The following LIPE variants were observed in gnomAD, a reference collection of about 807,000 sequenced individuals.
The protein encoded by LIPE is lipase E, hormone sensitive type.
Under a neutral mutation model 88.5 loss-of-function variants are expected in LIPE, and 66 were observed. The ratio of observed to expected loss-of-function variants is 0.75; its 90% confidence interval spans 0.61 to 0.91. LIPE has a LOEUF of 0.91. LIPE is among the 40% of genes least tolerant of loss of function. LIPE has a pLI of 0.00. For synonymous variants in LIPE, 570 were observed against 617.5 expected, an observed-to-expected ratio of 0.92 and a Z score of 1.14; for missense variants, 1,346 against 1,434.7, an observed-to-expected ratio of 0.94 and a Z score of 1.00.
At chr19:42,405,986 A>G in intron 7 of LIPE, 175 bp downstream of exon 7, 1 of 564,382 alleles carries the variant, frequency 1.8e-6, no homozygotes, top group Non-Finnish European at 3.1e-6. Context: ...TCACACACAC[A>G]CACACACACA....
chr19:42,404,237 AT>A (rs752058205), intron 8 of LIPE, among the ~76,000 whole-genome samples: 403 of 98,220 alleles, frequency 4.1e-3, no homozygotes, highest in Middle Eastern at 0.019. Flanking sequence ...TACTTTTTGT[AT>A]TTTTTTTTTT....
At chr19:42,422,365 C>A (rs1045256588) in intron 1 of LIPE, among the ~76,000 whole-genome samples, 2 of 152,226 alleles carry the variant, frequency 1.3e-5, no homozygotes, top group Admixed American at 1.3e-4. Context: ...GCCCACGTTT[C>A]TTAACTACAG....
chr19:42,411,606 AAG>A (rs2040376997), intron 1 of LIPE, among the ~76,000 whole-genome samples: 1 of 152,122 alleles, frequency 6.6e-6, no homozygotes, highest in Non-Finnish European at 1.5e-5. Flanking sequence ...GACTTCACTG[AAG>A]AGTCATTCCT....
Position 42,407,505 on chromosome 19 carries a change from G to A in LIPE, c.1843-37C>T. 6.3e-7 allele frequency: 1 copy of A among 1,593,574 alleles called. No individual in the cohort carries two copies. The highest frequency in any genetic ancestry group is 2.2e-5 in the East Asian group (1 of 44,628). ...GAGGGAGACGGTGTGTGAGGTTGGG[G>A]AGAGCTGGCCAGGGCTGCACCCCTC... On this transcript the variant is annotated intron_variant, in intron 5 of 9. Transcript: ENST00000244289. The surrounding 1 kb of genome is among the most constrained non-coding windows in gnomAD (Gnocchi z 5.8).
intron 1 of LIPE, chr19:42,423,389 C>G (rs1378536933): frequency 7.8e-7 from 1 of 1,287,612 alleles, no homozygotes; most frequent in African/African-American, 1.5e-5. Context: ...GAGGTTCCTT[C>G]CGGGCTGCTG....
chr19:42,405,632 G>A, intron 7 of LIPE, 71 bp from the exon 8 acceptor site: 1 of 1,453,982 alleles, frequency 6.9e-7, no homozygotes, highest in Non-Finnish European at 9.4e-7. Context: ...CAGAACTTCA[G>A]GCATCTGTGG....
chr19:42,412,551 C>T, intron 1 of LIPE: 1 of 986,478 alleles, frequency 1.0e-6, no homozygotes, highest in South Asian at 4.7e-5. Context: ...GGGCTCAGCT[C>T]CCTGCTCTGC....
At chr19:42,405,702 G>T in intron 7 of LIPE, 141 bp from the exon 8 acceptor site, 1 of 784,398 alleles carries the variant, frequency 1.3e-6, no homozygotes, top group Non-Finnish European at 2.0e-6. Context: ...GGGCGCAGTG[G>T]CTCACGCCTG....
chr19:42,420,694 C>A (rs143019042), intron 1 of LIPE, among the ~76,000 whole-genome samples: 61 of 152,188 alleles, frequency 4.0e-4, no homozygotes, highest in African/African-American at 1.4e-3. Context: ...CTGGTCCAGG[C>A]GGTAGCATCA....
intron 1 of LIPE, among the ~76,000 whole-genome samples, chr19:42,422,813 G>A (rs1252430919): frequency 6.6e-6 from 1 of 152,168 alleles, no homozygotes; most frequent in Non-Finnish European, 1.5e-5. Context: ...CGTTGTCCTG[G>A]AAAGGGTAGG....
chr19:42,422,103 T>C (rs1396198368), intron 1 of LIPE, among the ~76,000 whole-genome samples: 2 of 152,202 alleles, frequency 1.3e-5, no homozygotes, highest in Admixed American at 6.5e-5. Flanking sequence ...AAATACAGGG[T>C]AAACAAGGCA....
rs1470217243 is a variant in LIPE, at chr19:42,421,894, G to A, written c.883+4373C>T. On this transcript the variant is annotated intron_variant, in intron 1 of 9. Coordinates refer to ENST00000244289, the MANE Select transcript of LIPE (RefSeq NM_005357.4). Reference sequence around the variant, plus strand: ...AGGGCGGGGCTTCAGGAAATGACAGGCAAATCTTGGAGTTTGCAGGAATGA... The same window carrying A: ...AGGGCGGGGCTTCAGGAAATGACAGACAAATCTTGGAGTTTGCAGGAATGA... Among the ~76,000 whole-genome samples the A allele has an allele frequency of 3.3e-5, 5 of 152,244 alleles. 1 individual carries two copies. Among genetic ancestry groups the A allele is most frequent in the Admixed American group, 3.3e-4 (5 of 15,286 alleles).
intron 1 of LIPE, chr19:42,422,875 A>AATGG: frequency 6.4e-6 from 1 of 155,754 alleles, no homozygotes. Context: ...ACTGACAATG[A>AATGG]ATGGATGGAT....
intron 1 of LIPE, chr19:42,423,868 T>C: frequency 8.9e-7 from 1 of 1,125,116 alleles, no homozygotes; most frequent in Non-Finnish European, 1.1e-6. Flanking sequence ...AGTCCCGATC[T>C]TCCCACGTGC....
rs141690138 is a variant in LIPE at position 42,426,595 on chromosome 19, G to A, written c.555C>T (p.Asp185=). 1 of 1,614,086 alleles carries A rather than the reference G, an allele frequency of 6.2e-7. No homozygotes were observed. Among genetic ancestry groups the A allele is most frequent in the African/African-American group, 1.3e-5 (1 of 74,932 alleles). Reference sequence around the variant, plus strand: ...CTCCCTGGACTGGCGTTGTTTGCTTGTCTGACTGTTCAGGTGTCTCTTGGG... The same window carrying A: ...CTCCCTGGACTGGCGTTGTTTGCTTATCTGACTGTTCAGGTGTCTCTTGGG... ...STSQETPEQS[D]KQTTPVQGAK... Residue 185 remains aspartate, a synonymous_variant, in exon 1 of 10, where the codon GAC becomes GAT. Coordinates refer to ENST00000244289, the MANE Select transcript of LIPE (RefSeq NM_005357.4).
chr19:42,420,698 A>G (rs1021745795), intron 1 of LIPE, among the ~76,000 whole-genome samples: 14 of 152,102 alleles, frequency 9.2e-5, no homozygotes, highest in Admixed American at 9.2e-4. Context: ...TCCAGGCGGT[A>G]GCATCATTAC....
intron 9 of LIPE, 90 bp from the exon 10 acceptor site, chr19:42,402,165 G>C: frequency 1.6e-6 from 2 of 1,284,968 alleles, no homozygotes; most frequent in Non-Finnish European, 2.1e-6. Flanking sequence ...ATGAACAAAG[G>C]GAGCGGGAAA....
Position 42,410,610 on chromosome 19 carries a change from C to A in LIPE, c.1116G>T (p.Gly372=), listed in dbSNP as rs769221188. ...GGGCTGTGTGCACTAGGCTGCGGTA[C>A]CCGTTGGCCGGTGTCTCTGGGTCCA... ...FDLDPETPAN[G]YRSLVHTARC... is the part of the protein sequence containing the mutation. The change falls in exon 2 of 10, where the codon GGG becomes GGT. Residue 372 remains glycine, a synonymous_variant. Transcript: ENST00000244289. This position sits in a 1 kb window ranked among gnomAD's most constrained non-coding sequence, Gnocchi z 6.1. The A allele has an allele frequency of 6.2e-7, 1 of 1,613,346 alleles. No individual in the cohort carries two copies. Among genetic ancestry groups the A allele is most frequent in the South Asian group, 1.1e-5 (1 of 91,078 alleles).
intron 7 of LIPE, 37 bp from the exon 8 acceptor site, chr19:42,405,598 C>T: frequency 1.3e-6 from 2 of 1,581,744 alleles, no homozygotes; most frequent in African/African-American, 1.4e-5. Flanking sequence ...TTGTTTTCCC[C>T]TTTCTGGGCC....
Sources: allele counts gnomAD v4.1 joint callset (sites outside exome capture counted in the v4.1 genomes callset), GRCh38; gene constraint gnomAD v4.1.1; non-coding constraint Gnocchi (gnomAD v3.1); transcripts MANE v1.5; gene names NCBI Gene and HGNC (gene_info 2026-07-23, HGNC 2026-07-21).